GPR39: variants seen among roughly 807,000 people sequenced by gnomAD.
The protein encoded by GPR39 is G protein-coupled receptor 39.
GPR39 carries 23 observed loss-of-function variants against 18.4 expected under a neutral mutation model. The ratio of observed to expected loss-of-function variants is 1.25; its 90% CI spans 0.90 to 1.77. The LOEUF is 1.77. GPR39 is among the 40% of genes most tolerant of loss of function. GPR39 has a pLI of 0.00. For missense variants in GPR39, 647 were observed against 602.4 expected (o/e 1.07, Z -0.78); for synonymous variants, 280 against 257.9 (o/e 1.09, Z -0.82).
At chr2:132,509,646 G>A (rs1264679781) in intron 1 of GPR39, among the ~76,000 whole-genome samples, 1 of 152,140 alleles carries the variant, frequency 6.6e-6, no homozygotes, top group African/African-American at 2.4e-5. Flanking sequence ...TGACTTTCAG[G>A]TTACTCATCT....
intron 1 of GPR39, among the ~76,000 whole-genome samples, chr2:132,464,796 C>T (rs1307153394): frequency 6.6e-6 from 1 of 152,214 alleles, no homozygotes; most frequent in African/African-American, 2.4e-5. Context: ...CCCACTAGTC[C>T]TTCTAGCAAA....
At chr2:132,604,817 A>T (rs1011921797) in intron 1 of GPR39, 1 of 152,294 alleles carries the variant, frequency 6.6e-6, no homozygotes, top group African/African-American at 2.4e-5. Context: ...GAACTGAAAG[A>T]AGTAGAAACA....
chr2:132,641,455 G>C (rs1422734484), intron 1 of GPR39, among the ~76,000 whole-genome samples: 1 of 152,124 alleles, frequency 6.6e-6, no homozygotes, highest in South Asian at 2.1e-4. Context: ...GGGGAGCCTT[G>C]CTGCTCTGGG....
chr2:132,544,852 C>T (rs1222011997), intron 1 of GPR39, among the ~76,000 whole-genome samples: 1 of 152,070 alleles, frequency 6.6e-6, no homozygotes, highest in Non-Finnish European at 1.5e-5. Context: ...CTTTTATGGG[C>T]TCAGAATGGG....
At chr2:132,494,956 G>A (rs1476184929) in intron 1 of GPR39, among the ~76,000 whole-genome samples, 3 of 152,158 alleles carry the variant, frequency 2.0e-5, no homozygotes, top group Admixed American at 2.0e-4. Context: ...AAGGGATGAG[G>A]CTGACTTTAC....
chr2:132,441,608 T>C (rs950115799), intron 1 of GPR39, among the ~76,000 whole-genome samples: 20 of 152,210 alleles, frequency 1.3e-4, no homozygotes, highest in African/African-American at 4.6e-4. Flanking sequence ...GAGTGATTAA[T>C]ACACTTGACT....
intron 1 of GPR39, among the ~76,000 whole-genome samples, chr2:132,567,405 G>A (rs573091274): frequency 6.6e-6 from 1 of 152,306 alleles, no homozygotes; most frequent in African/African-American, 2.4e-5. Context: ...GGATGAATGG[G>A]TTAATGGGTT....
intron 1 of GPR39, among the ~76,000 whole-genome samples, chr2:132,620,804 G>GTGC: frequency 6.6e-6 from 1 of 152,254 alleles, no homozygotes; most frequent in South Asian, 2.1e-4. Context: ...CCAGGCTGGA[G>GTGC]TGCAGTGGCA....
intron 1 of GPR39, among the ~76,000 whole-genome samples, chr2:132,474,654 A>G (rs865880043): frequency 5.3e-5 from 8 of 152,316 alleles, no homozygotes; most frequent in African/African-American, 1.9e-4. Context: ...TTGAAACACC[A>G]TCACCATAGA....
rs4416272 is a variant in GPR39 at position 132,457,290 on chromosome 2, G to C, written c.856+39392G>C. On this transcript the variant is annotated intron_variant, in intron 1 of 1. Coordinates refer to ENST00000329321, the MANE Select transcript of GPR39 (RefSeq NM_001508.3). ...TGGAATCAGCTATTGAAGCTTATGC[G>C]TGCATCATGAAGTTCTCGTGCTATG... 5.5e-3 allele frequency among the ~76,000 whole-genome samples: 843 copies of C among 152,094 alleles called. 3 individuals are homozygous for C. Among genetic ancestry groups the C allele is most frequent in the Non-Finnish European group, 8.8e-3 (598 of 67,996 alleles).
chr2:132,644,438 T>C (rs1681945205), intron 1 of GPR39, among the ~76,000 whole-genome samples: 1 of 152,230 alleles, frequency 6.6e-6, no homozygotes, highest in African/African-American at 2.4e-5. Context: ...ATGAGGGATC[T>C]AAAAGTGTCT....
chr2:132,438,944 ATG>A (rs1300985545), intron 1 of GPR39, among the ~76,000 whole-genome samples: 3 of 152,182 alleles, frequency 2.0e-5, no homozygotes, highest in African/African-American at 7.2e-5. Flanking sequence ...GAGCATGTGT[ATG>A]TTTAATTCTG....
At chr2:132,475,596 A>C (rs557936925) in intron 1 of GPR39, among the ~76,000 whole-genome samples, 2 of 152,168 alleles carry the variant, frequency 1.3e-5, no homozygotes, top group South Asian at 4.1e-4. Flanking sequence ...CAGGTTTCGT[A>C]GTCCCACCCT....
intron 1 of GPR39, among the ~76,000 whole-genome samples, chr2:132,492,217 CATACCATATAT>C (rs1283671377): frequency 3.5e-5 from 5 of 143,050 alleles, no homozygotes; most frequent in East Asian, 2.0e-4. Context: ...CATATATATA[CATACCATATAT>C]ATACCATATA....
At chr2:132,570,967 G>A (rs551846487) in intron 1 of GPR39, among the ~76,000 whole-genome samples, 32 of 152,258 alleles carry the variant, frequency 2.1e-4, no homozygotes, top group Non-Finnish European at 4.1e-4. Context: ...GAATATTTAC[G>A]GCAGGCATCC....
chr2:132,597,092 G>A (rs780117934), intron 1 of GPR39, among the ~76,000 whole-genome samples: 5 of 152,160 alleles, frequency 3.3e-5, no homozygotes, highest in Non-Finnish European at 5.9e-5. Flanking sequence ...GTGAGGACAG[G>A]AGTAGCATGG....
Position 132,562,303 on chromosome 2 carries a change from G to A in GPR39, c.857-82798G>A, listed in dbSNP as rs368306201. 4.6e-5 allele frequency among the ~76,000 whole-genome samples: 7 copies of A among 152,254 alleles called. No homozygotes were observed. The East Asian group carries it at 1.4e-3, about 29-fold the overall frequency. ...CAAATTGGATTATATTTGATCCCCT[G>A]TTCAAAAGCTTTCAATGACTTTCCA... On this transcript the variant is annotated intron_variant, in intron 1 of 1. Transcript: ENST00000329321.
chr2:132,417,161 T>C lies in GPR39; in HGVS notation c.119T>C (p.Ile40Thr), dbSNP rs889083494. 2.5e-6 allele frequency: 4 copies of C among 1,614,146 alleles called. No homozygotes were observed. Among genetic ancestry groups the C allele is most frequent in the Non-Finnish European group, 1.7e-6 (2 of 1,180,016 alleles). ...ACCCTTATTCTGGTGTACCTGATCA[T>C]CTTCGTGATGGGCCTTCTGGGGAAC... ...KITLILVYLI[I>T]FVMGLLGNSA... Residue 40 changes from isoleucine (I) to threonine (T), a missense_variant, in exon 1 of 2, where the codon ATC (isoleucine) becomes ACC (threonine). Physicochemically the swap from Ile to Thr is moderately conservative, Grantham distance 89 (BLOSUM62 -1). This residue lies in a region of GPR39 where 61 missense variants were observed against 79.2 expected (regional missense o/e 0.77). Transcript: ENST00000329321.
At position 132,646,049 on chromosome 2, in the gene GPR39, C is replaced by A; in HGVS notation, c.*443C>A. The A allele has an allele frequency of 6.4e-7, 1 of 1,561,060 alleles. No individual in the cohort carries two copies. The highest frequency in any genetic ancestry group is 8.7e-7 in the Non-Finnish European group (1 of 1,151,346). ...GGGGTGGCATCTCCTTCAGCTTCAGCAGTGTGCCGAGAAGAGGGCTAATTT... is the reference window on the plus strand; with the variant it reads ...GGGGTGGCATCTCCTTCAGCTTCAGAAGTGTGCCGAGAAGAGGGCTAATTT... On this transcript the variant is annotated 3_prime_UTR_variant, in exon 2 of 2. Transcript: ENST00000329321.
Sources: allele counts gnomAD v4.1 joint callset (sites outside exome capture counted in the v4.1 genomes callset), GRCh38; gene constraint gnomAD v4.1.1; regional missense constraint gnomAD v4.1.1; transcripts MANE v1.5; gene names NCBI Gene and HGNC (gene_info 2026-07-23, HGNC 2026-07-21).